The following HS3ST2 variants were observed in gnomAD, a reference collection of about 807,000 sequenced individuals.
The protein encoded by HS3ST2 is heparan sulfate-glucosamine 3-sulfotransferase 2, also known as heparan sulfate glucosamine 3-O-sulfotransferase 2.
Under a neutral mutation model 26.3 loss-of-function variants are expected in HS3ST2, and 17 were observed. That is an observed-to-expected ratio of 0.65 (90% CI 0.44 to 0.97). The LOEUF (loss-of-function observed/expected upper bound fraction) is 0.97, where lower values mean the gene tolerates loss of function less well. HS3ST2 is among the 50% of genes least tolerant of loss of function. HS3ST2 has a pLI of 0.00. For synonymous variants in HS3ST2, 237 were observed against 219.2 expected, an observed-to-expected ratio of 1.08 and a Z score of -0.72; for missense variants, 402 against 501.2, an observed-to-expected ratio of 0.80 and a Z score of 1.89.
chr16:22,850,853 C>T (rs1198056710), intron 1 of HS3ST2, among the ~76,000 whole-genome samples: 4 of 152,254 alleles, frequency 2.6e-5, no homozygotes, highest in Non-Finnish European at 4.4e-5. Flanking sequence ...CAGAATCTCT[C>T]ATACAGCCGC....
chr16:22,828,100 T>G (rs370740), intron 1 of HS3ST2, among the ~76,000 whole-genome samples: 19,048 of 152,138 alleles, frequency 0.13, 1,462 homozygotes, highest in East Asian at 0.22. Context: ...TACTTGCCCC[T>G]GGCTTGACTG....
intron 1 of HS3ST2, among the ~76,000 whole-genome samples, chr16:22,820,177 C>CA (rs1262344528): frequency 6.6e-6 from 1 of 152,198 alleles, no homozygotes; most frequent in African/African-American, 2.4e-5. Flanking sequence ...AAACCCCCCC[C>CA]CATTTGTCTT....
At chr16:22,826,958 A>G (rs920360164) in intron 1 of HS3ST2, among the ~76,000 whole-genome samples, 5 of 152,198 alleles carry the variant, frequency 3.3e-5, no homozygotes, top group Admixed American at 3.3e-4. Flanking sequence ...AAACATATCT[A>G]TGTCAGATGG....
At chr16:22,830,743 T>C (rs1694221452) in intron 1 of HS3ST2, among the ~76,000 whole-genome samples, 2 of 152,220 alleles carry the variant, frequency 1.3e-5, no homozygotes, top group South Asian at 4.1e-4. Flanking sequence ...ATCAACGTCC[T>C]TTACAAAATC....
chr16:22,839,805 T>C (rs770584470), intron 1 of HS3ST2, among the ~76,000 whole-genome samples: 3 of 152,180 alleles, frequency 2.0e-5, no homozygotes, highest in Admixed American at 2.0e-4. Context: ...TCCCCCAAAT[T>C]TGTAAATACA....
At chr16:22,835,899 G>A in intron 1 of HS3ST2, among the ~76,000 whole-genome samples, 1 of 151,894 alleles carries the variant, frequency 6.6e-6, no homozygotes, top group Admixed American at 6.6e-5. Flanking sequence ...ACAAAAGTGA[G>A]TGGAATGTTA....
chr16:22,906,596 G>A (rs943437531), intron 1 of HS3ST2, among the ~76,000 whole-genome samples: 48 of 152,180 alleles, frequency 3.2e-4, no homozygotes, highest in Middle Eastern at 3.2e-3. Flanking sequence ...GGCATGAGAC[G>A]TTCCTTTAAA....
At chr16:22,818,721 T>C (rs1419226425) in intron 1 of HS3ST2, among the ~76,000 whole-genome samples, 27 of 60,110 alleles carry the variant, frequency 4.5e-4, no homozygotes, top group Non-Finnish European at 3.7e-4. Flanking sequence ...CCTTCCTTCC[T>C]TCCCTCCCTC....
rs1023972208 is a variant in HS3ST2, at chr16:22,845,046, G to A, written c.485+29951G>A. Among the ~76,000 whole-genome samples, 21 of 136,306 alleles carry A rather than the reference G, an allele frequency of 1.5e-4. 2 individuals are homozygous for A. The highest frequency in any genetic ancestry group is 7.7e-4 in the African/African-American group (21 of 27,378). 89.4% of individuals were successfully genotyped at this position (136,306 alleles called of 152,430 possible). On this transcript the variant is annotated intron_variant, in intron 1 of 1. Transcript: ENST00000261374. ...ATTTTTTGTATTTTTAGTATAGACA[G>A]GATTTCACTGTGTTAGTTAGGATGG...
intron 1 of HS3ST2, among the ~76,000 whole-genome samples, chr16:22,892,154 G>A (rs1902139082): frequency 6.6e-6 from 1 of 151,474 alleles, no homozygotes; most frequent in Non-Finnish European, 1.5e-5. Flanking sequence ...GCCGGGCGTG[G>A]TGGCAGGTGC....
rs1902472408 is a variant in HS3ST2, at chr16:22,914,880, A to C, written c.486-64A>C. 3 of 1,525,100 alleles carry C rather than the reference A, an allele frequency of 2.0e-6. No homozygotes were observed. In the East Asian group the frequency reaches 6.8e-5, roughly 34 times the overall value. The allele number at this position is 1,525,100 out of a possible 1,614,324, so 94.5% of individuals were successfully genotyped here. ...GGCCCCTGGGTGGAAGGGCTGATGT[A>C]GCTGGGCCTGAGGCCTGGCCCCAGG... On this transcript the variant is annotated intron_variant, in intron 1 of 1. Coordinates refer to ENST00000261374, the MANE Select transcript of HS3ST2 (RefSeq NM_006043.2).
intron 1 of HS3ST2, among the ~76,000 whole-genome samples, chr16:22,844,582 T>C (rs550352337): frequency 7.2e-5 from 11 of 152,210 alleles, no homozygotes; most frequent in African/African-American, 2.2e-4. Context: ...AGGAGGGGCC[T>C]GGTGGGAGGT....
At chr16:22,857,022 T>G (rs1348918207) in intron 1 of HS3ST2, among the ~76,000 whole-genome samples, 1 of 152,146 alleles carries the variant, frequency 6.6e-6, no homozygotes, top group Non-Finnish European at 1.5e-5. Flanking sequence ...CTATCCTAGG[T>G]GTTTTGTATG....
chr16:22,856,317 G>A (rs3819564), intron 1 of HS3ST2, among the ~76,000 whole-genome samples: 64,683 of 152,020 alleles, frequency 0.43, 16,707 homozygotes, highest in African/African-American at 0.73. Context: ...TGCTAATCAT[G>A]TAAATGTGCC....
At chr16:22,860,470 A>G (rs1415335445) in intron 1 of HS3ST2, among the ~76,000 whole-genome samples, 1 of 152,186 alleles carries the variant, frequency 6.6e-6, no homozygotes. Flanking sequence ...ATCACCCCGC[A>G]TACACATCAG....
In HS3ST2 at chr16:22,838,522, G is replaced by A. The variant is rs139495465; in HGVS notation, c.485+23427G>A. On this transcript the variant is annotated intron_variant, in intron 1 of 1. Coordinates refer to ENST00000261374, the MANE Select transcript of HS3ST2 (RefSeq NM_006043.2). ...GACATTCTTATTTAGTTCAATCCAGGTGTATGGTAGCTGAATAGTTTGGAC... is the reference window on the plus strand; with the variant it reads ...GACATTCTTATTTAGTTCAATCCAGATGTATGGTAGCTGAATAGTTTGGAC... Among the ~76,000 whole-genome samples the A allele has an allele frequency of 5.3e-4, 80 of 152,210 alleles. 1 individual carries two copies. The highest frequency in any genetic ancestry group is 1.9e-3 in the African/African-American group (77 of 41,512).
intron 1 of HS3ST2, among the ~76,000 whole-genome samples, chr16:22,820,988 TC>T (rs1375847827): frequency 2.0e-5 from 3 of 152,182 alleles, no homozygotes; most frequent in Non-Finnish European, 2.9e-5. Context: ...AGACCTGGCT[TC>T]CCCAGCCTAA....
intron 1 of HS3ST2, among the ~76,000 whole-genome samples, chr16:22,884,725 G>A (rs1902037356): frequency 2.0e-5 from 3 of 147,332 alleles, no homozygotes; most frequent in South Asian, 2.2e-4. Flanking sequence ...CTTGTAGAAA[G>A]TTAGTCAGGC....
intron 1 of HS3ST2, among the ~76,000 whole-genome samples, chr16:22,821,586 C>G (rs1225643436): frequency 6.6e-6 from 1 of 151,984 alleles, no homozygotes; most frequent in Non-Finnish European, 1.5e-5. Flanking sequence ...ATAAGTCACA[C>G]AGATAACCTA....
Sources: allele counts gnomAD v4.1 joint callset (sites outside exome capture counted in the v4.1 genomes callset), GRCh38; gene constraint gnomAD v4.1.1; transcripts MANE v1.5; gene names NCBI Gene and HGNC (gene_info 2026-07-23, HGNC 2026-07-21).